The following C11orf65 variants were observed in gnomAD, a reference collection of about 807,000 sequenced individuals.
The protein encoded by C11orf65 is protein MFI.
In C11orf65, 38 loss-of-function variants were observed where a neutral mutation model predicts 35.3. The observed-to-expected ratio is 1.08, with a 90% CI of 0.83 to 1.41. C11orf65 has a LOEUF of 1.41. Among genes scored for constraint, C11orf65 ranks in the 40% most tolerant of loss-of-function variants. The probability of loss-of-function intolerance (pLI) is 0.00; values close to 1 mark genes in which losing one functional copy is unlikely to be tolerated. For missense variants in C11orf65, 370 were observed against 367.1 expected (o/e 1.01, Z -0.06); for synonymous variants, 105 against 114.4 (o/e 0.92, Z 0.53).
Position 108,321,385 on chromosome 11 carries a change from T to G in C11orf65, c.641-12314A>C, listed in dbSNP as rs146243469. ...CCACACTTAGCAGGTTGCAGGCCAT[T>G]GGAGAGCTGGAAAGCATTGGGGAGC... On this transcript the variant is annotated intron_variant, in intron 6 of 6. Transcript: ENST00000525729. The G allele has an allele frequency of 3.4e-5, 55 of 1,614,080 alleles. No individual in the cohort carries two copies. In the African/African-American group the frequency reaches 6.1e-4, roughly 18 times the overall value.
chr11:108,340,711 G>A (rs1334322866), intron 2 of C11orf65, among the ~76,000 whole-genome samples: 3 of 151,994 alleles, frequency 2.0e-5, no homozygotes, highest in East Asian at 1.9e-4. Context: ...ACTCTTATTC[G>A]GTATCTGTGG....
intron 6 of C11orf65, among the ~76,000 whole-genome samples, chr11:108,316,471 C>G (rs557446062): frequency 6.6e-6 from 1 of 152,196 alleles, no homozygotes; most frequent in East Asian, 1.9e-4. Context: ...AACTATTTCT[C>G]ATAGTTTGCA....
At chr11:108,329,440 T>C (rs1016898062), downstream of C11orf65, 33 of 573,148 alleles carry the variant, frequency 5.8e-5, no homozygotes, top group South Asian at 6.6e-4. Flanking sequence ...AAGGTCTCAC[T>C]CTGTCACCCA....
At chr11:108,313,687 A>G (rs1269363444) in intron 6 of C11orf65, among the ~76,000 whole-genome samples, 9 of 152,158 alleles carry the variant, frequency 5.9e-5, no homozygotes, top group Non-Finnish European at 1.0e-4. Flanking sequence ...TGTGCTAAGC[A>G]TGGGTACTGA....
At chr11:108,317,570 AAAC>A (rs763713608) in intron 6 of C11orf65, 6 of 1,522,808 alleles carry the variant, frequency 3.9e-6, no homozygotes, top group South Asian at 1.1e-5. Context: ...TCCTCATTCT[AAAC>A]AACAACTGTT....
chr11:108,435,794 T>A (rs976877523), intron 2 of C11orf65, among the ~76,000 whole-genome samples: 2 of 152,196 alleles, frequency 1.3e-5, no homozygotes, highest in Non-Finnish European at 2.9e-5. Flanking sequence ...AAAACAAATG[T>A]AAAGTGTGTT....
At chr11:108,416,502 G>A (rs917513988) in intron 3 of C11orf65, among the ~76,000 whole-genome samples, 2 of 152,166 alleles carry the variant, frequency 1.3e-5, no homozygotes, top group South Asian at 4.2e-4. Context: ...GGCTAACATG[G>A]TGAAACCCCG....
At chr11:108,406,676 TAA>T in intron 5 of C11orf65, 85 bp downstream of exon 5, 1 of 907,488 alleles carries the variant, frequency 1.1e-6, no homozygotes, top group Non-Finnish European at 1.5e-6. Context: ...TTTATTATTT[TAA>T]AAAATAATTT....
chr11:108,468,103 C>T (rs2093558619), upstream of C11orf65, among the ~76,000 whole-genome samples: 1 of 152,178 alleles, frequency 6.6e-6, no homozygotes, highest in African/African-American at 2.4e-5. Flanking sequence ...GCCTTGGCCT[C>T]CCAAAGTGCT....
At chr11:108,370,782 CTGTT>C (rs1285142848) in intron 2 of C11orf65, among the ~76,000 whole-genome samples, 1 of 152,100 alleles carries the variant, frequency 6.6e-6, no homozygotes, top group Non-Finnish European at 1.5e-5. Context: ...GTGAACTACA[CTGTT>C]TGATTTTCTA....
chr11:108,451,392 G>T (rs1319689190), intron 2 of C11orf65, among the ~76,000 whole-genome samples: 1 of 151,944 alleles, frequency 6.6e-6, no homozygotes, highest in Admixed American at 6.6e-5. Flanking sequence ...AATCATGAGT[G>T]AACTCCCATT....
intron 3 of C11orf65, among the ~76,000 whole-genome samples, chr11:108,407,851 G>A (rs771993162): frequency 3.5e-5 from 5 of 140,896 alleles, no homozygotes; most frequent in Admixed American, 7.7e-5. Context: ...AGAATGGCAC[G>A]AACCCAGGAG....
intron 2 of C11orf65, among the ~76,000 whole-genome samples, chr11:108,351,179 T>C (rs745745048): frequency 2.0e-5 from 3 of 152,188 alleles, no homozygotes; most frequent in Non-Finnish European, 4.4e-5. Context: ...TCCATTTACA[T>C]AAAATTCAAA....
In C11orf65 at chr11:108,345,749, C is replaced by CA. The variant is rs587782558; in HGVS notation, c.227-10458dup. The CA allele has an allele frequency of 2.5e-6, 4 of 1,608,836 alleles. No homozygotes were observed. Among genetic ancestry groups the CA allele is most frequent in the Non-Finnish European group, 3.4e-6 (4 of 1,176,586 alleles). On this transcript the variant is annotated intron_variant, in intron 2 of 3. Coordinates refer to the C11orf65 transcript ENST00000524755. ...ATATATTCTCTATTTAAAGGAGGTGCAAAAAAAGTCTTTTGAAGAGAAATA... is the reference window on the plus strand; with the variant it reads ...ATATATTCTCTATTTAAAGGAGGTGCAAAAAAAAGTCTTTTGAAGAGAAATA...
downstream of C11orf65, among the ~76,000 whole-genome samples, chr11:108,378,158 G>A (rs1027046168): frequency 0.018 from 2,668 of 152,162 alleles, 71 homozygotes; most frequent in African/African-American, 0.061. Context: ...AACCAAAAAG[G>A]GCCCGCATCG....
At chr11:108,450,670 T>C (rs2093335135) in intron 2 of C11orf65, among the ~76,000 whole-genome samples, 1 of 149,784 alleles carries the variant, frequency 6.7e-6, no homozygotes, top group Admixed American at 6.6e-5. Context: ...ATATACCTAA[T>C]GCTAAATGAT....
At chr11:108,331,108 G>T, downstream of C11orf65, 1 of 994,502 alleles carries the variant, frequency 1.0e-6, no homozygotes, top group Non-Finnish European at 1.2e-6. Context: ...TCATTTTATT[G>T]TACACTGACT....
intron 3 of C11orf65, among the ~76,000 whole-genome samples, chr11:108,410,961 G>A (rs1175381965): frequency 1.3e-5 from 2 of 151,886 alleles, no homozygotes; most frequent in Non-Finnish European, 2.9e-5. Flanking sequence ...CCCCTGCCTT[G>A]GCCTCCCAAA....
At chr11:108,332,710 G>A (rs890848495) in intron 3 of C11orf65, 94 of 1,578,342 alleles carry the variant, frequency 6.0e-5, no homozygotes, top group Non-Finnish European at 7.7e-5. Context: ...ACTCTGAGAA[G>A]TTTAAATGTT....
Sources: allele counts gnomAD v4.1 joint callset (sites outside exome capture counted in the v4.1 genomes callset), GRCh38; gene constraint gnomAD v4.1.1; transcripts MANE v1.5; gene names NCBI Gene and HGNC (gene_info 2026-07-23, HGNC 2026-07-21).